Variants in COL12A1 observed in about 807,000 individuals in gnomAD.
COL12A1 encodes collagen alpha-1(XII) chain.
COL12A1 carries 114 observed loss-of-function variants against 349.7 expected under a neutral mutation model. The ratio of observed to expected loss-of-function variants is 0.33; its 90% CI spans 0.28 to 0.38. COL12A1 has a LOEUF of 0.38. COL12A1 is among the 10% of genes least tolerant of loss of function. COL12A1 has a pLI of 1.00. For missense variants in COL12A1, 3,284 were observed against 3,756.9 expected, an observed-to-expected ratio of 0.87 and a Z score of 3.29; for synonymous variants, 1,369 against 1,329.0, an observed-to-expected ratio of 1.03 and a Z score of -0.66.
intron 3 of COL12A1, among the ~76,000 whole-genome samples, chr6:75,193,792 G>C (rs183553579): frequency 1.4e-5 from 2 of 147,006 alleles, no homozygotes; most frequent in South Asian, 4.2e-4. Context: ...TGTTCTCATT[G>C]TTCAATTCCC....
At chr6:75,138,641 C>T (rs1766745551) in intron 28 of COL12A1, 61 bp from the exon 29 acceptor site, 14 of 1,594,050 alleles carry the variant, frequency 8.8e-6, no homozygotes, top group Middle Eastern at 1.7e-4. Flanking sequence ...ACATCATACA[C>T]ACTCAATGGC....
chr6:75,086,531 C>T lies in COL12A1; in HGVS notation c.*16G>A, dbSNP rs114679644. On this transcript the variant is annotated 3_prime_UTR_variant, in exon 66 of 66. Coordinates refer to ENST00000322507, the MANE Select transcript of COL12A1 (RefSeq NM_004370.6). ...GTATTCAAACTGTAAGCAGCACTGG[C>T]GACTTAGAAAATGTGTTAGCCGGAA... 2.2e-5 allele frequency: 35 copies of T among 1,600,542 alleles called. No homozygotes were observed. In the African/African-American group the frequency reaches 3.5e-4, roughly 16 times the overall value.
chr6:75,185,133 C>T (rs1261470795), intron 8 of COL12A1, among the ~76,000 whole-genome samples: 1 of 152,098 alleles, frequency 6.6e-6, no homozygotes, highest in East Asian at 1.9e-4. Flanking sequence ...AGCAATCAAG[C>T]AAGAAAAAGG....
chr6:75,141,242 C>A (rs566828200), intron 27 of COL12A1, among the ~76,000 whole-genome samples: 8 of 152,106 alleles, frequency 5.3e-5, no homozygotes, highest in Non-Finnish European at 5.9e-5. Context: ...GGGCTGAGCA[C>A]TGGATTAAGT....
At chr6:75,130,389 A>T (rs1243470977) in intron 36 of COL12A1, among the ~76,000 whole-genome samples, 156 bp from the exon 37 acceptor site, 1 of 152,238 alleles carries the variant, frequency 6.6e-6, no homozygotes, top group East Asian at 1.9e-4. Flanking sequence ...GTGAAATCAT[A>T]AACAGTGTAT....
At chr6:75,094,116 C>T (rs1001885626) in intron 60 of COL12A1, among the ~76,000 whole-genome samples, 1 of 145,460 alleles carries the variant, frequency 6.9e-6, no homozygotes. Context: ...ATCAGGAGTC[C>T]TTCTATCTTT....
intron 28 of COL12A1, 87 bp downstream of exon 28, chr6:75,138,735 A>C: frequency 6.3e-7 from 1 of 1,576,808 alleles, no homozygotes; most frequent in Non-Finnish European, 8.6e-7. Flanking sequence ...CTTATTGACA[A>C]CAAGAGTAAT....
At chr6:75,166,767 C>T (rs543363215) in intron 13 of COL12A1, among the ~76,000 whole-genome samples, 1 of 151,900 alleles carries the variant, frequency 6.6e-6, no homozygotes, top group Non-Finnish European at 1.5e-5. Context: ...TTTTACTTAA[C>T]TCAAAGAGTT....
Position 75,090,619 on chromosome 6 carries a change from C to A in COL12A1, c.8753-321G>T, listed in dbSNP as rs1484721183. 6.6e-6 allele frequency among the ~76,000 whole-genome samples: 1 copy of A among 152,108 alleles called. No homozygotes were observed. Among genetic ancestry groups the A allele is most frequent in the East Asian group, 1.9e-4 (1 of 5,194 alleles). Reference sequence around the variant, plus strand: ...CCAGGTGACATCACTCAAAAGAAAACCTTTTTTATAATTAGATAATTCTAC... The same window carrying A: ...CCAGGTGACATCACTCAAAAGAAAAACTTTTTTATAATTAGATAATTCTAC... On this transcript the variant is annotated intron_variant, in intron 62 of 65. Coordinates refer to ENST00000322507, the MANE Select transcript of COL12A1 (RefSeq NM_004370.6). The surrounding 1 kb of genome is among the most constrained non-coding windows in gnomAD (Gnocchi z 4.1).
chr6:75,152,058 G>A lies in COL12A1; in HGVS notation c.3836-27C>T, dbSNP rs751443273. Reference sequence around the variant, plus strand: ...TAGTGGGATTTTTAAAAGAGAATCAGTCACATCACCATTCAGCCACAAACC... The same window carrying A: ...TAGTGGGATTTTTAAAAGAGAATCAATCACATCACCATTCAGCCACAAACC... On this transcript the variant is annotated intron_variant, in intron 19 of 65. Transcript: ENST00000322507. The A allele has an allele frequency of 1.7e-5, 28 of 1,613,626 alleles. No homozygotes were observed. The South Asian group carries it at 3.1e-4, about 18-fold the overall frequency.
intron 27 of COL12A1, among the ~76,000 whole-genome samples, chr6:75,141,076 A>G (rs1766870349): frequency 6.6e-6 from 1 of 152,230 alleles, no homozygotes; most frequent in Non-Finnish European, 1.5e-5. Context: ...GTTAAATAAA[A>G]CATTATCAAA....
rs1323514347 is a variant in COL12A1, at chr6:75,085,165, CG to C, written c.*1381del. 2 of 457,326 alleles carry C rather than the reference CG, an allele frequency of 4.4e-6. No individual in the cohort carries two copies. The highest frequency in any genetic ancestry group is 2.4e-5 in the Admixed American group (1 of 42,086). 28.3% of individuals were successfully genotyped at this position (457,326 alleles called of 1,614,324 possible). On this transcript the variant is annotated 3_prime_UTR_variant, in exon 66 of 66. Coordinates refer to ENST00000322507, the MANE Select transcript of COL12A1 (RefSeq NM_004370.6). ...GAATTTCAACACCTCCCCCAAGCCT[CG>C]CGGCGCGGCGCGTGATCTCTGGTTC...
chr6:75,096,891 G>A (rs1768062410), intron 59 of COL12A1, among the ~76,000 whole-genome samples: 1 of 69,518 alleles, frequency 1.4e-5, no homozygotes, highest in Non-Finnish European at 2.6e-5. Context: ...GCGAGACTCC[G>A]TCTCAAAAAA....
chr6:75,135,874 C>G (rs1018349500), intron 31 of COL12A1, among the ~76,000 whole-genome samples: 4 of 152,158 alleles, frequency 2.6e-5, no homozygotes, highest in African/African-American at 9.7e-5. Context: ...ATCTGAAAGC[C>G]TATTTAGGAG....
At chr6:75,177,591 G>A in intron 12 of COL12A1, 72 bp downstream of exon 12, 1 of 1,566,972 alleles carries the variant, frequency 6.4e-7, no homozygotes, top group Non-Finnish European at 8.8e-7. Context: ...TTTTTATCTG[G>A]ATAGTTGTCC....
rs775702401 is a variant in COL12A1, at chr6:75,109,184, T to C, written c.7951-17A>G. On this transcript the variant is annotated splice_polypyrimidine_tract_variant and intron_variant, in intron 51 of 65. Coordinates refer to ENST00000322507, the MANE Select transcript of COL12A1 (RefSeq NM_004370.6). ...AATATGAACCTAAAAAGATAATTTG[T>C]TTCCATTATAAAATTTCTACACTAA... The C allele has an allele frequency of 6.5e-7, 1 of 1,532,414 alleles. No homozygotes were observed. Among genetic ancestry groups the C allele is most frequent in the Admixed American group, 2.2e-5 (1 of 46,318 alleles). The allele number at this position is 1,532,414 out of a possible 1,614,324, so 94.9% of individuals were successfully genotyped here. A position where few individuals can be genotyped will look rare whatever the true frequency, so the allele number is the denominator to read the frequency against.
intron 14 of COL12A1, among the ~76,000 whole-genome samples, chr6:75,158,213 C>T (rs1767855022): frequency 6.6e-6 from 1 of 152,052 alleles, no homozygotes; most frequent in Admixed American, 6.6e-5. Context: ...AAACATGAGG[C>T]CTTTGTGGAG....
intron 3 of COL12A1, 148 bp downstream of exon 3, chr6:75,194,683 C>A (rs1770127971): frequency 1.9e-6 from 1 of 514,168 alleles, no homozygotes. Flanking sequence ...AAATCTGAAA[C>A]CTGAGTTCAG....
chr6:75,187,224 A>T (rs1351632175), intron 8 of COL12A1, among the ~76,000 whole-genome samples: 1 of 151,486 alleles, frequency 6.6e-6, no homozygotes, highest in East Asian at 1.9e-4. Flanking sequence ...AGCCACAGAG[A>T]TGCCACATGG....
Sources: gnomAD v4.1 joint callset for allele counts (sites outside exome capture counted in the v4.1 genomes callset) on GRCh38, gnomAD v4.1.1 for gene constraint, Gnocchi (gnomAD v3.1) non-coding constraint, MANE v1.5 for transcripts, NCBI Gene and HGNC (gene_info 2026-07-23, HGNC 2026-07-21) for gene names.